Variants in PARD6G observed in about 807,000 individuals in gnomAD.
PARD6G encodes partitioning defective 6 homolog gamma.
In PARD6G, 7 loss-of-function variants were observed where a neutral mutation model predicts 10.7. The ratio of observed to expected loss-of-function variants is 0.66; its 90% CI spans 0.37 to 1.23. The LOEUF (loss-of-function observed/expected upper bound fraction) is 1.23. Ranked by LOEUF, PARD6G falls within the 50% of genes most tolerant of loss-of-function variation. The pLI is 0.02. For synonymous variants in PARD6G, 287 were observed against 269.4 expected (o/e 1.07, Z -0.64); for missense variants, 548 against 571.8 (o/e 0.96, Z 0.42).
chr18:80,235,622 TAAA>T (rs1406136046), intron 1 of PARD6G, among the ~76,000 whole-genome samples: 1 of 151,804 alleles, frequency 6.6e-6, no homozygotes, highest in Admixed American at 6.6e-5. Context: ...GCAAGACTAA[TAAA>T]GAAGAGAGAA....
intron 1 of PARD6G, among the ~76,000 whole-genome samples, chr18:80,238,301 T>C (rs1300229111): frequency 1.3e-5 from 2 of 151,832 alleles, no homozygotes; most frequent in Non-Finnish European, 2.9e-5. Flanking sequence ...TGAGAACACA[T>C]GGACACAGGA....
rs1967548429 is a variant in PARD6G at position 80,246,450 on chromosome 18, C to T, written c.72+827G>A. ...CCCGCAAGTTCGGGCACGCTCCGCC[C>T]GGGCGCAGGCAGCGGGAGGGGCCGG... On this transcript the variant is annotated intron_variant, in intron 1 of 2. Coordinates refer to ENST00000353265, the MANE Select transcript of PARD6G (RefSeq NM_032510.4). The surrounding 1 kb of genome is among the most constrained non-coding windows in gnomAD (Gnocchi z 6.7). Among the ~76,000 whole-genome samples, 1 of 152,116 alleles carries T rather than the reference C, an allele frequency of 6.6e-6. No homozygotes were observed. The highest frequency in any genetic ancestry group is 1.5e-5 in the Non-Finnish European group (1 of 67,984).
intron 2 of PARD6G, among the ~76,000 whole-genome samples, chr18:80,167,649 C>A (rs369714204): frequency 2.0e-5 from 3 of 152,086 alleles, no homozygotes; most frequent in Non-Finnish European, 2.9e-5. Context: ...CCTCCCCCAG[C>A]GTCTCTGATG....
intron 2 of PARD6G, among the ~76,000 whole-genome samples, chr18:80,177,773 T>A (rs1367859913): frequency 6.9e-6 from 1 of 145,048 alleles, no homozygotes; most frequent in African/African-American, 2.6e-5. Flanking sequence ...ACCCACGAGA[T>A]AAATCAATGC....
chr18:80,160,600 GCCT>G lies in PARD6G; in HGVS notation c.299_301del (p.Glu100del). ...GCCCGCGCCGAGGCTGCCACGCTCG[GCCT>G]CCTCTGCGGGAGAGGGGACAGTTAG... On this transcript the variant is annotated inframe_deletion, in exon 3 of 3. Transcript: ENST00000353265. The G allele has an allele frequency of 2.1e-6, 3 of 1,444,876 alleles. No individual in the cohort carries two copies. Among genetic ancestry groups the G allele is most frequent in the Non-Finnish European group, 1.8e-6 (2 of 1,103,814 alleles). 89.5% of individuals were successfully genotyped at this position (1,444,876 alleles called of 1,614,324 possible).
chr18:80,202,495 G>C, intron 2 of PARD6G: 1 of 496,282 alleles, frequency 2.0e-6, no homozygotes. Context: ...TCTTTCTTCA[G>C]TATTTAAAAG....
intron 1 of PARD6G, among the ~76,000 whole-genome samples, chr18:80,243,606 T>C (rs1267894431): frequency 6.6e-6 from 1 of 152,130 alleles, no homozygotes; most frequent in Admixed American, 6.5e-5. Flanking sequence ...CCCTCAGATA[T>C]AATTAACACG....
intron 2 of PARD6G, among the ~76,000 whole-genome samples, chr18:80,185,941 C>T (rs1375134344): frequency 6.8e-6 from 1 of 146,054 alleles, no homozygotes; most frequent in Admixed American, 6.8e-5. Context: ...GGCTTGCACA[C>T]CCTCACGCAC....
intron 1 of PARD6G, among the ~76,000 whole-genome samples, chr18:80,234,459 T>C (rs1431202779): frequency 2.0e-5 from 3 of 152,188 alleles, no homozygotes; most frequent in Non-Finnish European, 4.4e-5. Flanking sequence ...TAATAAGTTG[T>C]GGTTCAAGGC....
In PARD6G at chr18:80,158,003, C is replaced by T. The variant is rs2052666937; in HGVS notation, c.*1768G>A. The T allele has an allele frequency of 6.6e-6, 1 of 152,174 alleles. No individual in the cohort carries two copies. The highest frequency in any genetic ancestry group is 2.4e-5 in the African/African-American group (1 of 41,432). 9.4% of individuals were successfully genotyped at this position (152,174 alleles called of 1,614,324 possible). On this transcript the variant is annotated 3_prime_UTR_variant, in exon 3 of 3. Transcript: ENST00000353265. ...ACAACCTAGAAAAATATTTCTTTACCTGTATCTGTATGAAAGATTTGGTCA... is the reference window on the plus strand; with the variant it reads ...ACAACCTAGAAAAATATTTCTTTACTTGTATCTGTATGAAAGATTTGGTCA...
intron 1 of PARD6G, among the ~76,000 whole-genome samples, chr18:80,241,424 T>A (rs80154155): frequency 6.6e-6 from 1 of 152,174 alleles, no homozygotes; most frequent in Admixed American, 6.5e-5. Flanking sequence ...CGTTACAGTA[T>A]TGAGATGGGC....
At chr18:80,242,055 C>T (rs1327549381) in intron 1 of PARD6G, among the ~76,000 whole-genome samples, 2 of 152,170 alleles carry the variant, frequency 1.3e-5, no homozygotes, top group Non-Finnish European at 2.9e-5. Context: ...TACCCCCTGG[C>T]TAGCTGGGGT....
intron 1 of PARD6G, among the ~76,000 whole-genome samples, chr18:80,224,665 G>A (rs1471851661): frequency 2.0e-5 from 3 of 152,178 alleles, no homozygotes; most frequent in African/African-American, 7.2e-5. Flanking sequence ...GGCTAACACG[G>A]TGAAACCCCA....
Position 80,201,777 on chromosome 18 carries a change from C to G in PARD6G, c.295+933G>C, listed in dbSNP as rs1241642953. Among the ~76,000 whole-genome samples the G allele has an allele frequency of 6.6e-6, 1 of 152,248 alleles. No individual in the cohort carries two copies. The highest frequency in any genetic ancestry group is 2.4e-5 in the African/African-American group (1 of 41,470). On this transcript the variant is annotated intron_variant, in intron 2 of 2. Coordinates refer to ENST00000353265, the MANE Select transcript of PARD6G (RefSeq NM_032510.4). The surrounding 1 kb of genome is among the most constrained non-coding windows in gnomAD (Gnocchi z 5.9). ...CTATGAGGACCCTCGTTTTGCAAAGCAGGACGCTGGGGTGAAGGAGGCGGA... is the reference window on the plus strand; with the variant it reads ...CTATGAGGACCCTCGTTTTGCAAAGGAGGACGCTGGGGTGAAGGAGGCGGA...
Position 80,202,929 on chromosome 18 carries a change from CAAA to C in PARD6G, c.73_75del (p.Phe25del). 6.4e-7 allele frequency: 1 copy of C among 1,550,918 alleles called. No homozygotes were observed. Among genetic ancestry groups the C allele is most frequent in the Admixed American group, 1.9e-5 (1 of 52,832 alleles). On this transcript the variant is annotated inframe_deletion and splice_region_variant, in exon 2 of 3. Coordinates refer to ENST00000353265, the MANE Select transcript of PARD6G (RefSeq NM_032510.4). ...AGAGAGAACCTTCGGAATTCCGCCCCAAACTACAATGCAAGAGACGGGGTGGGG... is the reference window on the plus strand; with the variant it reads ...AGAGAGAACCTTCGGAATTCCGCCCCCTACAATGCAAGAGACGGGGTGGGG...
Position 80,228,304 on chromosome 18 carries a change from G to A in PARD6G, c.72+18973C>T, listed in dbSNP as rs915731400. ...CATGGGGAGGTGAGGGGAGGTGAGC[G>A]GAGGGGAGGCCAGGGGAGGGGAGTT... On this transcript the variant is annotated intron_variant, in intron 1 of 2. Coordinates refer to ENST00000353265, the MANE Select transcript of PARD6G (RefSeq NM_032510.4). The surrounding 1 kb of genome is among the most constrained non-coding windows in gnomAD (Gnocchi z 4.6). Among the ~76,000 whole-genome samples the A allele has an allele frequency of 2.0e-5, 3 of 151,992 alleles. No homozygotes were observed. The highest frequency in any genetic ancestry group is 2.1e-4 in the South Asian group (1 of 4,830).
At chr18:80,177,977 A>ACACACACACACACG in intron 2 of PARD6G, 1 of 161,912 alleles carries the variant, frequency 6.2e-6, no homozygotes, top group Non-Finnish European at 1.5e-5. Context: ...GTGCATACAC[A>ACACACACACACACG]CACACACACA....
intron 1 of PARD6G, among the ~76,000 whole-genome samples, chr18:80,216,388 T>C (rs749066073): frequency 6.6e-6 from 1 of 151,982 alleles, no homozygotes; most frequent in Admixed American, 6.6e-5. Context: ...CAAGTCTCAA[T>C]AAGCTTAAAA....
rs139314237 is a variant in PARD6G, at chr18:80,160,116, C to T, written c.786G>A (p.Ala262=). Residue 262 remains alanine, a synonymous_variant, in exon 3 of 3, where the codon GCG becomes GCA. Coordinates refer to ENST00000353265, the MANE Select transcript of PARD6G (RefSeq NM_032510.4). ...QRNNVVRGGR[A]LGSSGPPSDG... Reference sequence around the variant, plus strand: ...CCGAGGGCGGTCCCGAGCTGCCCAACGCGCGGCCGCCGCGCACCACGTTGT... The same window carrying T: ...CCGAGGGCGGTCCCGAGCTGCCCAATGCGCGGCCGCCGCGCACCACGTTGT... 1.9e-6 allele frequency: 3 copies of T among 1,610,858 alleles called. No individual in the cohort carries two copies. Among genetic ancestry groups the T allele is most frequent in the Non-Finnish European group, 2.5e-6 (3 of 1,178,944 alleles).
Sources: gnomAD v4.1 joint callset for allele counts (sites outside exome capture counted in the v4.1 genomes callset) on GRCh38, gnomAD v4.1.1 for gene constraint, Gnocchi (gnomAD v3.1) non-coding constraint, MANE v1.5 for transcripts, NCBI Gene and HGNC (gene_info 2026-07-23, HGNC 2026-07-21) for gene names.